PPRC1: variants seen among roughly 807,000 people sequenced by gnomAD.
The protein encoded by PPRC1 is peroxisome proliferator-activated receptor gamma coactivator-related protein 1.
A neutral mutation model predicts 132.5 loss-of-function variants in PPRC1; 23 were observed. The observed-to-expected ratio is 0.17, with a 90% CI of 0.12 to 0.25. The LOEUF (loss-of-function observed/expected upper bound fraction) is 0.25, where lower values mean the gene tolerates loss of function less well. PPRC1 is among the 10% of genes least tolerant of loss of function. The pLI, the probability that PPRC1 is intolerant of heterozygous loss-of-function variation, is 1.00. For missense variants in PPRC1, 2,006 were observed against 2,089.1 expected (o/e 0.96, Z 0.78); for synonymous variants, 872 against 833.5 (o/e 1.05, Z -0.80).
At chr10:102,132,343 G>A (rs1158922079), upstream of PPRC1, among the ~76,000 whole-genome samples, 1 of 152,194 alleles carries the variant, frequency 6.6e-6, no homozygotes, top group East Asian at 1.9e-4. Context: ...AACGCAGAGC[G>A]GGATCCCTCT....
chr10:102,133,655 G>A (rs529262465), intron 1 of PPRC1, among the ~76,000 whole-genome samples: 1 of 152,070 alleles, frequency 6.6e-6, no homozygotes, highest in African/African-American at 2.4e-5. Flanking sequence ...ACGTGGGTCG[G>A]GCTCCTGGTG....
chr10:102,141,502 C>T lies in PPRC1; in HGVS notation c.2994C>T (p.Pro998=). ...ATGCTCCATTCTGGTCTACTGTTCC[C>T]CCACCTCCTTTGCCTCCAGCCTCCA... ...PQHAPFWSTV[P]PPPLPPASIG... is the part of the protein sequence containing the mutation. The change falls in exon 5 of 14, where the codon CCC becomes CCT. Residue 998 remains proline (P), a synonymous_variant. Coordinates refer to ENST00000278070, the MANE Select transcript of PPRC1 (RefSeq NM_015062.5). 6.2e-7 allele frequency: 1 copy of T among 1,613,992 alleles called. No homozygotes were observed. The highest frequency in any genetic ancestry group is 8.5e-7 in the Non-Finnish European group (1 of 1,179,968).
At position 102,147,035 on chromosome 10, in the gene PPRC1, C is replaced by T. The variant is rs2069280919; in HGVS notation, c.4043C>T (p.Ala1348Val). 1 of 1,614,188 alleles carries T rather than the reference C, an allele frequency of 6.2e-7. No homozygotes were observed. The highest frequency in any genetic ancestry group is 8.5e-7 in the Non-Finnish European group (1 of 1,180,008). The change falls in exon 9 of 14, where the codon GCT becomes GTT. Residue 1348 changes from alanine (A) to valine (V), a missense_variant. This residue lies in a region of PPRC1 where 1,914 missense variants were observed against 1,917.2 expected (regional missense o/e 1.00). Coordinates refer to ENST00000278070, the MANE Select transcript of PPRC1 (RefSeq NM_015062.5). ...GCTGCCCCTCCGCCCCCATGCATAG[C>T]TGCCTCCCGGGAGCCGCTTGATCAC... ...GPAAPPPPCIAASREPLDHRT... is the reference protein window; with the variant it reads ...GPAAPPPPCIVASREPLDHRT...
chr10:102,125,473 T>C, the PPRC1 span, among the ~76,000 whole-genome samples: 216 of 151,996 alleles, frequency 1.4e-3, no homozygotes, highest in African/African-American at 5.1e-3. Context: ...ATGGCCAGGA[T>C]GATCTCGATC....
In PPRC1 at chr10:102,147,634, T is replaced by G. The variant is rs902309238; in HGVS notation, c.4400+242T>G. 5.9e-5 allele frequency among the ~76,000 whole-genome samples: 9 copies of G among 152,328 alleles called. No individual in the cohort carries two copies. The South Asian group carries it at 1.0e-3, about 18-fold the overall frequency. On this transcript the variant is annotated intron_variant, in intron 9 of 13. Transcript: ENST00000278070. ...GTCTCCTGCTTCTTTGAGACCTGCC[T>G]TGGGGAGACTTTTAGGGTTTGATTT...
intron 5 of PPRC1, among the ~76,000 whole-genome samples, 190 bp downstream of exon 5, chr10:102,142,194 C>T (rs2069014624): frequency 6.6e-6 from 1 of 152,002 alleles, no homozygotes; most frequent in Non-Finnish European, 1.5e-5. Flanking sequence ...TCACTGCCTC[C>T]CAGGTTCAAG....
In PPRC1 at chr10:102,140,431, A is replaced by G. The variant is rs2068909880; in HGVS notation, c.1923A>G (p.Ala641=). Residue 641 remains alanine (A), a synonymous_variant, in exon 5 of 14, where the codon GCA becomes GCG. Transcript: ENST00000278070. The part of the protein sequence containing the change: ...LINPVLADSA[A]VDPAVVPISD... ...ACCCAGTCCTGGCTGACTCAGCAGC[A>G]GTTGACCCTGCAGTGGTTCCCATCT... is the stretch of plus-strand genomic sequence containing the variant. 3 of 1,614,084 alleles carry G rather than the reference A, an allele frequency of 1.9e-6. No homozygotes were observed. In the South Asian group the frequency reaches 3.3e-5, roughly 18 times the overall value.
At chr10:102,138,574 C>A (rs769852535) in intron 2 of PPRC1, 45 bp from the exon 3 acceptor site, 1 of 1,603,158 alleles carries the variant, frequency 6.2e-7, no homozygotes, top group Non-Finnish European at 8.5e-7. Context: ...CATAGTAGGT[C>A]ATTAGGGATG....
intron 13 of PPRC1, 121 bp from the exon 14 acceptor site, chr10:102,149,805 A>T: frequency 1.3e-6 from 1 of 764,452 alleles, no homozygotes; most frequent in Non-Finnish European, 2.3e-6. Flanking sequence ...TATCTCTTTG[A>T]CTTAAAATTA....
chr10:102,127,020 C>CATATATATAT, the PPRC1 span, among the ~76,000 whole-genome samples: 2 of 87,950 alleles, frequency 2.3e-5, no homozygotes, highest in Non-Finnish European at 4.0e-5. Flanking sequence ...GGTTTTTTAT[C>CATATATATAT]ATATATATAT....
chr10:102,129,999 C>G (rs2068516339), upstream of PPRC1, among the ~76,000 whole-genome samples: 2 of 152,234 alleles, frequency 1.3e-5, no homozygotes, highest in South Asian at 4.1e-4. Context: ...TTATTTCAAA[C>G]TTTATTGTTG....
intron 2 of PPRC1, 35 bp from the exon 3 acceptor site, chr10:102,138,584 G>A: frequency 6.2e-7 from 1 of 1,608,672 alleles, no homozygotes; most frequent in Non-Finnish European, 8.5e-7. Context: ...CATTAGGGAT[G>A]TTGGTAGGAC....
At chr10:102,137,109 C>T (rs929659567) in intron 1 of PPRC1, among the ~76,000 whole-genome samples, 4 of 152,228 alleles carry the variant, frequency 2.6e-5, no homozygotes, top group South Asian at 2.1e-4. Context: ...GAGGCTGAGT[C>T]GGGCGGATTA....
At chr10:102,146,549 T>A (rs2069252400) in intron 8 of PPRC1, 123 bp from the exon 9 acceptor site, 1 of 1,381,526 alleles carries the variant, frequency 7.2e-7, no homozygotes. Flanking sequence ...AAAGTTGGGC[T>A]GCTTACCTTG....
At chr10:102,132,187 A>C, upstream of PPRC1, among the ~76,000 whole-genome samples, 1 of 152,278 alleles carries the variant, frequency 6.6e-6, no homozygotes, top group East Asian at 1.9e-4. Context: ...TATAATTTGC[A>C]GGCCTACTAC....
In PPRC1 at chr10:102,143,033, G is replaced by A; in HGVS notation, c.3497-12G>A. 1.2e-6 allele frequency: 2 copies of A among 1,610,094 alleles called. No homozygotes were observed. The highest frequency in any genetic ancestry group is 1.7e-5 in the Admixed American group (1 of 59,882). On this transcript the variant is annotated splice_polypyrimidine_tract_variant and intron_variant, in intron 5 of 13. Coordinates refer to ENST00000278070, the MANE Select transcript of PPRC1 (RefSeq NM_015062.5). ...GGGCTCGTTTTCAATCCTGTGTTGT[G>A]TGCCTCCACAGGAATTGAGGCATCG...
chr10:102,136,326 G>A (rs2068720978), intron 1 of PPRC1, among the ~76,000 whole-genome samples: 1 of 152,102 alleles, frequency 6.6e-6, no homozygotes, highest in Admixed American at 6.6e-5. Flanking sequence ...TGTGGGGGGT[G>A]GGGGTGTGGA....
chr10:102,123,389 CTA>C, the PPRC1 span, among the ~76,000 whole-genome samples: 1 of 148,076 alleles, frequency 6.8e-6, no homozygotes, highest in Non-Finnish European at 1.5e-5. Context: ...GGGGTGGAGT[CTA>C]TGTGGAGGGG....
chr10:102,143,101 G>A lies in PPRC1; in HGVS notation c.3550+3G>A. 2 of 1,612,076 alleles carry A rather than the reference G, an allele frequency of 1.2e-6. No individual in the cohort carries two copies. Among genetic ancestry groups the A allele is most frequent in the South Asian group, 2.2e-5 (2 of 91,046 alleles). ...GGAGCAGTTTGAGAAATCAGAAGGT[G>A]AGGGAACATGGGTAGTTTTGCTCCA... is the stretch of plus-strand genomic sequence containing the variant. On this transcript the variant is annotated splice_donor_region_variant and intron_variant, in intron 6 of 13. Transcript: ENST00000278070.
Sources: allele counts gnomAD v4.1 joint callset (sites outside exome capture counted in the v4.1 genomes callset), GRCh38; gene constraint gnomAD v4.1.1; regional missense constraint gnomAD v4.1.1; transcripts MANE v1.5; gene names NCBI Gene and HGNC (gene_info 2026-07-23, HGNC 2026-07-21).